The following CELF2 variants were observed in gnomAD, a reference collection of about 807,000 sequenced individuals.
The protein encoded by CELF2 is CUG triplet repeat RNA-binding protein 2.
Under a neutral mutation model 62.6 loss-of-function variants are expected in CELF2, and 8 were observed. The ratio of observed to expected loss-of-function variants is 0.13; its 90% confidence interval spans 0.07 to 0.23. The LOEUF (loss-of-function observed/expected upper bound fraction) is 0.23, where lower values mean the gene tolerates loss of function less well. Among genes scored for constraint, CELF2 ranks in the 10% least tolerant of loss-of-function variants. The probability of loss-of-function intolerance (pLI) is 1.00; values close to 1 mark genes in which losing one functional copy is unlikely to be tolerated. For synonymous variants in CELF2, 258 were observed against 250.0 expected, an observed-to-expected ratio of 1.03 and a Z score of -0.30; for missense variants, 333 against 671.0, an observed-to-expected ratio of 0.50 and a Z score of 5.56.
intron 1 of CELF2, among the ~76,000 whole-genome samples, chr10:11,067,483 G>A (rs989097045): frequency 3.3e-5 from 5 of 152,158 alleles, no homozygotes; most frequent in African/African-American, 9.7e-5. Flanking sequence ...AAATGAGAAC[G>A]CTTCTAAGTG....
At chr10:11,139,542 G>T (rs2060965717) in intron 1 of CELF2, among the ~76,000 whole-genome samples, 1 of 152,138 alleles carries the variant, frequency 6.6e-6, no homozygotes, top group Admixed American at 6.5e-5. Flanking sequence ...AAATAGTTTA[G>T]TTACTTTTGG....
chr10:11,188,935 A>G (rs1015710098), intron 2 of CELF2, among the ~76,000 whole-genome samples: 1 of 152,098 alleles, frequency 6.6e-6, no homozygotes, highest in Non-Finnish European at 1.5e-5. Context: ...CATCTCAGAC[A>G]TTGTAGTTTT....
intron 2 of CELF2, among the ~76,000 whole-genome samples, chr10:11,216,814 G>A (rs1001912866): frequency 6.6e-6 from 1 of 152,210 alleles, no homozygotes; most frequent in Non-Finnish European, 1.5e-5. Context: ...ATCTGTTTGG[G>A]CATGTACCCA....
chr10:11,168,290 C>A (rs765359138), intron 2 of CELF2, among the ~76,000 whole-genome samples: 6 of 152,130 alleles, frequency 3.9e-5, no homozygotes, highest in Non-Finnish European at 5.9e-5. Flanking sequence ...TCAAATATTC[C>A]TTAAAGTATG....
chr10:10,667,879 A>G, the CELF2 span, among the ~76,000 whole-genome samples: 2 of 152,190 alleles, frequency 1.3e-5, no homozygotes, highest in African/African-American at 4.8e-5. Context: ...TTTACCATGC[A>G]AACAAACCCC....
At chr10:11,322,457 A>C (rs2095491846) in intron 11 of CELF2, among the ~76,000 whole-genome samples, 1 of 152,248 alleles carries the variant, frequency 6.6e-6, no homozygotes, top group Non-Finnish European at 1.5e-5. Flanking sequence ...CTTTAGAGCA[A>C]AATCTGCTGA....
intron 8 of CELF2, among the ~76,000 whole-genome samples, chr10:11,278,595 AAAAC>A (rs1369938020): frequency 6.6e-6 from 1 of 152,236 alleles, no homozygotes; most frequent in African/African-American, 2.4e-5. Flanking sequence ...ATATAACAGA[AAAAC>A]AAGGGGTAGT....
intron 1 of CELF2, chr10:11,030,440 A>C (rs953640475): frequency 1.3e-5 from 2 of 152,032 alleles, no homozygotes; most frequent in Non-Finnish European, 2.9e-5. Flanking sequence ...CTGAGGATGC[A>C]CCTCTGTTCC....
intron 1 of CELF2, among the ~76,000 whole-genome samples, chr10:11,125,549 C>G (rs2058541802): frequency 6.6e-6 from 1 of 151,970 alleles, no homozygotes; most frequent in African/African-American, 2.4e-5. Flanking sequence ...GGGATTAAGT[C>G]TCTCAATTCA....
intron 1 of CELF2, among the ~76,000 whole-genome samples, chr10:11,055,734 G>A (rs545898771): frequency 6.6e-6 from 1 of 152,202 alleles, no homozygotes; most frequent in Admixed American, 6.5e-5. Flanking sequence ...AGACTATTCT[G>A]TAGGCCCAGT....
At chr10:10,716,374 C>G in the CELF2 span, among the ~76,000 whole-genome samples, 1 of 152,172 alleles carries the variant, frequency 6.6e-6, no homozygotes, top group East Asian at 1.9e-4. Context: ...AACCCCGCCT[C>G]TACTAAAACT....
chr10:10,779,769 C>A, the CELF2 span, among the ~76,000 whole-genome samples: 1 of 152,060 alleles, frequency 6.6e-6, no homozygotes, highest in Non-Finnish European at 1.5e-5. Context: ...TGCTAAAGTG[C>A]AGTCAGTATT....
intron 1 of CELF2, among the ~76,000 whole-genome samples, chr10:11,061,570 G>T (rs1181046082): frequency 6.6e-6 from 1 of 152,248 alleles, no homozygotes; most frequent in Non-Finnish European, 1.5e-5. Context: ...ATTGGAAGAT[G>T]CCATCTAGAA....
chr10:10,481,415 T>C, the CELF2 span, among the ~76,000 whole-genome samples: 2 of 152,196 alleles, frequency 1.3e-5, no homozygotes, highest in African/African-American at 4.8e-5. Flanking sequence ...GCTAATTAAG[T>C]GAGCCCTCAC....
the CELF2 span, among the ~76,000 whole-genome samples, chr10:10,495,418 G>T: frequency 6.6e-6 from 1 of 152,184 alleles, no homozygotes; most frequent in African/African-American, 2.4e-5. Context: ...ATGGCTGTTT[G>T]GGTGTTTCCA....
chr10:10,472,489 T>G, the CELF2 span, among the ~76,000 whole-genome samples: 1 of 151,970 alleles, frequency 6.6e-6, no homozygotes, highest in Non-Finnish European at 1.5e-5. Context: ...TTTTTAAAAT[T>G]ATTTGAACAT....
At chr10:10,863,614 C>CA (rs879428033) in intron 1 of CELF2, among the ~76,000 whole-genome samples, 3 of 152,034 alleles carry the variant, frequency 2.0e-5, no homozygotes, top group Non-Finnish European at 4.4e-5. Context: ...TTTTTGCCGT[C>CA]ACTTTTAATG....
upstream of CELF2, among the ~76,000 whole-genome samples, chr10:10,796,432 A>G (rs2054145063): frequency 1.3e-5 from 2 of 152,220 alleles, no homozygotes; most frequent in Non-Finnish European, 2.9e-5. Flanking sequence ...AAAGTTTTTG[A>G]AAAGACAGCT....
At chr10:10,757,636 A>G in the CELF2 span, among the ~76,000 whole-genome samples, 9 of 152,204 alleles carry the variant, frequency 5.9e-5, no homozygotes, top group African/African-American at 2.2e-4. Flanking sequence ...AAAGAGATAC[A>G]AATGAAATCA....
Sources: allele counts gnomAD v4.1 joint callset (sites outside exome capture counted in the v4.1 genomes callset), GRCh38; gene constraint gnomAD v4.1.1; transcripts MANE v1.5; gene names NCBI Gene and HGNC (gene_info 2026-07-23, HGNC 2026-07-21).